Variants in B4GALT1 observed in about 807,000 individuals in gnomAD.
The protein encoded by B4GALT1 is N-acetyllactosamine synthase.
In B4GALT1, 16 loss-of-function variants were observed where a neutral mutation model predicts 34.9. That is an observed-to-expected ratio of 0.46 (90% confidence interval 0.31 to 0.70). The LOEUF is 0.70. B4GALT1 is among the 30% of genes least tolerant of loss of function. The pLI, the probability that B4GALT1 is intolerant of heterozygous loss-of-function variation, is 0.05. For synonymous variants in B4GALT1, 221 were observed against 218.1 expected (o/e 1.01, Z -0.12); for missense variants, 445 against 530.5 (o/e 0.84, Z 1.58).
intron 1 of B4GALT1, among the ~76,000 whole-genome samples, chr9:33,154,884 C>T (rs768178077): frequency 1.3e-5 from 2 of 151,850 alleles, no homozygotes; most frequent in African/African-American, 4.8e-5. Flanking sequence ...ATTTTATATG[C>T]GGTCCAAGAC....
chr9:33,105,165 G>C (rs892452891), intron 2 of B4GALT1, among the ~76,000 whole-genome samples: 1 of 150,458 alleles, frequency 6.6e-6, no homozygotes, highest in Non-Finnish European at 1.5e-5. Context: ...TTGAGATGGA[G>C]TTTCACTCTT....
intron 3 of B4GALT1, 125 bp from the exon 4 acceptor site, chr9:33,116,238 T>G (rs112032722): frequency 2.2e-5 from 26 of 1,172,202 alleles, no homozygotes; most frequent in Non-Finnish European, 2.8e-5. Flanking sequence ...GAGTTTTTAT[T>G]TATTTTTTTT....
intron 2 of B4GALT1, among the ~76,000 whole-genome samples, chr9:33,128,090 G>A (rs767672525): frequency 5.3e-5 from 8 of 152,070 alleles, no homozygotes; most frequent in African/African-American, 1.4e-4. Flanking sequence ...TAGTTAGGTC[G>A]GCATTCCTCT....
At chr9:33,128,031 A>G (rs538414976) in intron 2 of B4GALT1, among the ~76,000 whole-genome samples, 1 of 152,250 alleles carries the variant, frequency 6.6e-6, no homozygotes, top group Non-Finnish European at 1.5e-5. Context: ...ACATGTGAAC[A>G]TTACCAGGGT....
chr9:33,141,322 A>G (rs7868781), intron 1 of B4GALT1, among the ~76,000 whole-genome samples: 56,406 of 151,872 alleles, frequency 0.37, 11,196 homozygotes, highest in East Asian at 0.59. Context: ...CCTGGCCAAC[A>G]TGGTGAAACC....
chr9:33,141,430 T>C (rs1257528136), intron 1 of B4GALT1, among the ~76,000 whole-genome samples: 1 of 151,976 alleles, frequency 6.6e-6, no homozygotes, highest in Non-Finnish European at 1.5e-5. Flanking sequence ...GGCAGGAGAA[T>C]CTCTTGAACC....
At chr9:33,153,770 C>G (rs757905352) in intron 1 of B4GALT1, among the ~76,000 whole-genome samples, 3 of 151,908 alleles carry the variant, frequency 2.0e-5, no homozygotes, top group Non-Finnish European at 4.4e-5. Flanking sequence ...TGAACGCTAC[C>G]AGATATTTAA....
Position 33,113,851 on chromosome 9 carries a change from A to G in B4GALT1, c.987T>C (p.Ser329=), listed in dbSNP as rs142150238. The G allele has an allele frequency of 1.7e-5, 27 of 1,614,216 alleles. No individual in the cohort carries two copies. The Admixed American group carries it at 3.0e-4, about 18-fold the overall frequency. ...ACCTCCCGACCACAGCATTTGGGCG[A>G]GATATAGACATGCCTCTAAAAACTA... The part of the protein sequence containing the change: ...NRLVFRGMSI[S]RPNAVVGRCR... The change falls in exon 5 of 6, where the codon TCT becomes TCC. Residue 329 remains serine, a synonymous_variant. Coordinates refer to ENST00000379731, the MANE Select transcript of B4GALT1 (RefSeq NM_001497.4).
At chr9:33,128,882 A>AC (rs1840151543) in intron 2 of B4GALT1, among the ~76,000 whole-genome samples, 1 of 152,210 alleles carries the variant, frequency 6.6e-6, no homozygotes, top group Non-Finnish European at 1.5e-5. Flanking sequence ...TGGACCAGTG[A>AC]CAGAGACAAC....
chr9:33,115,928 T>C, intron 4 of B4GALT1, 63 bp downstream of exon 4: 1 of 1,576,240 alleles, frequency 6.3e-7, no homozygotes, highest in Non-Finnish European at 8.7e-7. Flanking sequence ...CAACCAAGCA[T>C]TGGTTAAAAA....
At chr9:33,185,081 C>T in the B4GALT1 span, among the ~76,000 whole-genome samples, 1 of 152,192 alleles carries the variant, frequency 6.6e-6, no homozygotes, top group African/African-American at 2.4e-5. Context: ...CCTCCAGCCA[C>T]AGCTGTCTGG....
rs770669410 is a variant in B4GALT1 at position 33,166,779 on chromosome 9, G to A, written c.391C>T (p.Pro131Ser). 1.1e-4 allele frequency: 163 copies of A among 1,524,758 alleles called. No individual in the cohort carries two copies. Among genetic ancestry groups the A allele is most frequent in the Admixed American group, 1.4e-4 (7 of 48,810 alleles). The allele number at this position is 1,524,758 out of a possible 1,614,324, so 94.5% of individuals were successfully genotyped here. A position where few individuals can be genotyped will look rare whatever the true frequency, so the allele number is the denominator to read the frequency against. Residue 131 changes from proline to serine, a missense_variant, in exon 1 of 6, where the codon CCT (proline) becomes TCT (serine). By Grantham distance (74) the Pro-to-Ser change is moderately conservative. This residue lies in a region of B4GALT1 where 349 missense variants were observed against 395.5 expected (regional missense o/e 0.88). Transcript: ENST00000379731. Reference protein sequence around the residue: ...HTTALSLPACPEESPLLVGPM... With the variant: ...HTTALSLPACSEESPLLVGPM... ...TTACCAAGCAGCGGGGACTCCTCAG[G>A]GCAGGCGGGCAGCGACAGTGCGGTG...
the B4GALT1 span, among the ~76,000 whole-genome samples, chr9:33,181,833 C>T: frequency 1.3e-5 from 2 of 152,280 alleles, no homozygotes; most frequent in East Asian, 3.9e-4. Context: ...CCAAGGACTC[C>T]TCTAACAAAT....
At chr9:33,119,908 G>T (rs2118051417) in intron 3 of B4GALT1, among the ~76,000 whole-genome samples, 1 of 152,324 alleles carries the variant, frequency 6.6e-6, no homozygotes, top group East Asian at 1.9e-4. Flanking sequence ...TCTTAGGCCA[G>T]GCATGGTGCC....
intron 2 of B4GALT1, among the ~76,000 whole-genome samples, chr9:33,130,298 G>A (rs1371790184): frequency 6.6e-6 from 1 of 152,072 alleles, no homozygotes; most frequent in African/African-American, 2.4e-5. Flanking sequence ...CTCGTTTCCG[G>A]GTTTGAGTAT....
rs374611435 is a variant in B4GALT1 at position 33,135,280 on chromosome 9, T to C, written c.557A>G (p.Asn186Ser). Reference sequence around the variant, plus strand: ...CCAGTACTTGAGGTGCTCCTGCCGGTTGCGGAATGGAATGATGATGGCCAC... The same window carrying C: ...CCAGTACTTGAGGTGCTCCTGCCGGCTGCGGAATGGAATGATGATGGCCAC... ...HKVAIIIPFR[N>S]RQEHLKYWLY... Residue 186 changes from asparagine (N) to serine (S), a missense_variant, in exon 2 of 6, where the codon AAC (asparagine) becomes AGC (serine). Asn to Ser is a conservative substitution (Grantham distance 46). This residue lies in a region of B4GALT1 where 349 missense variants were observed against 395.5 expected (regional missense o/e 0.88). Coordinates refer to ENST00000379731, the MANE Select transcript of B4GALT1 (RefSeq NM_001497.4). The C allele has an allele frequency of 7.4e-6, 12 of 1,613,924 alleles. No individual in the cohort carries two copies. The East Asian group carries it at 8.9e-5, about 12-fold the overall frequency.
chr9:33,106,617 C>G (rs973510487), downstream of B4GALT1, among the ~76,000 whole-genome samples: 1 of 152,214 alleles, frequency 6.6e-6, no homozygotes, highest in African/African-American at 2.4e-5. Flanking sequence ...CCAGCCCTCC[C>G]TCACCAGGTA....
intron 2 of B4GALT1, among the ~76,000 whole-genome samples, chr9:33,132,959 G>C (rs1487869918): frequency 6.6e-6 from 1 of 152,110 alleles, no homozygotes; most frequent in Non-Finnish European, 1.5e-5. Context: ...CTGGAGTGCA[G>C]TGGCATGATC....
intron 2 of B4GALT1, among the ~76,000 whole-genome samples, chr9:33,128,041 TGGTGGTGGCAGC>T (rs909549241): frequency 3.3e-5 from 5 of 151,862 alleles, no homozygotes; most frequent in Admixed American, 6.6e-5. Flanking sequence ...ATTACCAGGG[TGGTGGTGGCAGC>T]GGTGGTGGCA....
Sources: allele counts gnomAD v4.1 joint callset (sites outside exome capture counted in the v4.1 genomes callset), GRCh38; gene constraint gnomAD v4.1.1; regional missense constraint gnomAD v4.1.1; transcripts MANE v1.5; gene names NCBI Gene and HGNC (gene_info 2026-07-23, HGNC 2026-07-21).